IRAK3: variants seen among roughly 807,000 people sequenced by gnomAD.
IRAK3 encodes interleukin-1 receptor-associated kinase 3.
In IRAK3, 57 loss-of-function variants were observed where a neutral mutation model predicts 56.6. The ratio of observed to expected loss-of-function variants is 1.01; its 90% CI spans 0.81 to 1.26. The LOEUF (loss-of-function observed/expected upper bound fraction) is 1.26. Ranked by LOEUF, IRAK3 falls within the 50% of genes most tolerant of loss-of-function variation. The pLI is 0.00. For missense variants in IRAK3, 703 were observed against 719.0 expected (o/e 0.98, Z 0.25); for synonymous variants, 258 against 255.7 (o/e 1.01, Z -0.09).
chr12:66,250,024 C>G lies in IRAK3; in HGVS notation c.*1853C>G, dbSNP rs2053080656. 6.6e-6 allele frequency: 1 copy of G among 152,176 alleles called. No homozygotes were observed. Among genetic ancestry groups the G allele is most frequent in the Non-Finnish European group, 1.5e-5 (1 of 68,042 alleles). The allele number at this position is 152,176 out of a possible 1,614,324, so 9.4% of individuals were successfully genotyped here. A position where few individuals can be genotyped will look rare whatever the true frequency, so the allele number is the denominator to read the frequency against. On this transcript the variant is annotated 3_prime_UTR_variant, in exon 12 of 12. Coordinates refer to ENST00000261233, the MANE Select transcript of IRAK3 (RefSeq NM_007199.3). ...ATCTCTTCAGAGCCTAATGTGTCAT[C>G]CTACACAGAGCAGGTGTTTCCTTAT...
intron 2 of IRAK3, among the ~76,000 whole-genome samples, chr12:66,209,162 CT>C (rs1381058964): frequency 2.7e-5 from 4 of 150,066 alleles, no homozygotes; most frequent in African/African-American, 9.8e-5. Context: ...TGTCTTATTA[CT>C]TGTTTATTAT....
chr12:66,213,180 G>T (rs2052630311), intron 5 of IRAK3, among the ~76,000 whole-genome samples: 2 of 152,152 alleles, frequency 1.3e-5, no homozygotes, highest in Non-Finnish European at 2.9e-5. Context: ...GAGAAGTTGT[G>T]CAGGGAAACT....
intron 1 of IRAK3, among the ~76,000 whole-genome samples, chr12:66,203,338 A>G (rs560971017): frequency 6.6e-6 from 1 of 152,330 alleles, no homozygotes; most frequent in South Asian, 2.1e-4. Context: ...ATATCATTTC[A>G]CTGTCCTGAA....
intron 6 of IRAK3, among the ~76,000 whole-genome samples, chr12:66,222,051 C>A (rs1222113561): frequency 6.6e-6 from 1 of 152,022 alleles, no homozygotes; most frequent in African/African-American, 2.4e-5. Context: ...AACAAACAAA[C>A]AAAAAATGTT....
At chr12:66,246,554 G>T (rs921983911) in intron 11 of IRAK3, among the ~76,000 whole-genome samples, 1 of 152,228 alleles carries the variant, frequency 6.6e-6, no homozygotes, top group Non-Finnish European at 1.5e-5. Context: ...GGCTCAGGAA[G>T]GAGCTATGAC....
chr12:66,223,377 A>G (rs2052754412), intron 6 of IRAK3, among the ~76,000 whole-genome samples: 1 of 152,034 alleles, frequency 6.6e-6, no homozygotes, highest in East Asian at 2.0e-4. Context: ...TCATGGTTTG[A>G]GGCCAGGCGC....
chr12:66,234,930 C>T, intron 8 of IRAK3: 1 of 1,614,172 alleles, frequency 6.2e-7, no homozygotes, highest in Non-Finnish European at 8.5e-7. Context: ...GCCTTCAGGG[C>T]AGACACAGCT....
chr12:66,217,242 A>G lies in IRAK3; in HGVS notation c.653+7A>G, dbSNP rs773738487. ...AGCTTGAAGTTTTACTACTGTGAGT[A>G]TGTTTTCTCTGGAATTTCCTCCTCT... On this transcript the variant is annotated splice_region_variant and intron_variant, in intron 6 of 11. Coordinates refer to ENST00000261233, the MANE Select transcript of IRAK3 (RefSeq NM_007199.3). 2 of 1,595,868 alleles carry G rather than the reference A, an allele frequency of 1.3e-6. No homozygotes were observed. Among genetic ancestry groups the G allele is most frequent in the Non-Finnish European group, 1.7e-6 (2 of 1,163,606 alleles).
At chr12:66,214,766 G>C (rs1343171578) in intron 5 of IRAK3, among the ~76,000 whole-genome samples, 1 of 152,076 alleles carries the variant, frequency 6.6e-6, no homozygotes, top group Non-Finnish European at 1.5e-5. Flanking sequence ...TTAAAAAAAT[G>C]GTAGTCACCA....
chr12:66,238,558 CAG>C (rs1468209511), intron 8 of IRAK3, among the ~76,000 whole-genome samples: 1 of 152,056 alleles, frequency 6.6e-6, no homozygotes, highest in East Asian at 1.9e-4. Flanking sequence ...TCAGCAGAGA[CAG>C]GGAAATTGGG....
chr12:66,197,012 T>C, intron 1 of IRAK3: 1 of 1,532,184 alleles, frequency 6.5e-7, no homozygotes, highest in Non-Finnish European at 8.7e-7. Flanking sequence ...GAGACATATT[T>C]GCATATGGAG....
At chr12:66,234,285 T>A in intron 8 of IRAK3, 1 of 1,612,948 alleles carries the variant, frequency 6.2e-7, no homozygotes, top group Non-Finnish European at 8.5e-7. Context: ...AGAGGGCTGA[T>A]CATTGATGCG....
At position 66,249,620 on chromosome 12, in the gene IRAK3, G is replaced by T; in HGVS notation, c.*1449G>T. On this transcript the variant is annotated 3_prime_UTR_variant, in exon 12 of 12. Transcript: ENST00000261233. ...AGCATTCTTTCTGGAGGCTGTTGGG[G>T]AGAACTCACTGCCTTGCCTTTTCCA... 1 of 152,582 alleles carries T rather than the reference G, an allele frequency of 6.6e-6. No individual in the cohort carries two copies. The highest frequency in any genetic ancestry group is 2.0e-4 in the South Asian group (1 of 5,056). The allele number at this position is 152,582 out of a possible 1,614,324, so 9.5% of individuals were successfully genotyped here.
chr12:66,193,838 T>C (rs2052423331), intron 1 of IRAK3, among the ~76,000 whole-genome samples: 1 of 152,240 alleles, frequency 6.6e-6, no homozygotes, highest in Non-Finnish European at 1.5e-5. Context: ...GTCAGATATC[T>C]GCCCTGTAAA....
chr12:66,199,306 T>G (rs1367599753), intron 1 of IRAK3, among the ~76,000 whole-genome samples: 1 of 152,202 alleles, frequency 6.6e-6, no homozygotes, highest in Non-Finnish European at 1.5e-5. Flanking sequence ...TGCCTGGAGT[T>G]GTGTCATAGG....
chr12:66,241,102 C>A (rs559512447), intron 8 of IRAK3, among the ~76,000 whole-genome samples: 5 of 152,168 alleles, frequency 3.3e-5, no homozygotes, highest in Middle Eastern at 3.4e-3. Context: ...GTCCTAGAGA[C>A]CCCTACTAAT....
intron 8 of IRAK3, among the ~76,000 whole-genome samples, chr12:66,242,134 A>G (rs919020619): frequency 2.0e-5 from 3 of 152,176 alleles, no homozygotes; most frequent in Non-Finnish European, 2.9e-5. Flanking sequence ...CATTCAGAAC[A>G]TTCCCACCCT....
intron 8 of IRAK3, among the ~76,000 whole-genome samples, chr12:66,239,415 G>C (rs1403391117): frequency 1.3e-5 from 2 of 151,930 alleles, no homozygotes. Flanking sequence ...GAGGGCATAG[G>C]GGGCCACAGA....
intron 1 of IRAK3, among the ~76,000 whole-genome samples, chr12:66,195,777 A>G (rs1330748939): frequency 6.6e-6 from 1 of 152,130 alleles, no homozygotes; most frequent in Non-Finnish European, 1.5e-5. Context: ...CTCCTGCCTC[A>G]GCATCCCGAG....
Sources: gnomAD v4.1 joint callset for allele counts (sites outside exome capture counted in the v4.1 genomes callset) on GRCh38, gnomAD v4.1.1 for gene constraint, MANE v1.5 for transcripts, NCBI Gene and HGNC (gene_info 2026-07-23, HGNC 2026-07-21) for gene names.